RNF220: variants seen among roughly 807,000 people sequenced by gnomAD.
The protein encoded by RNF220 is E3 ubiquitin-protein ligase RNF220.
Under a neutral mutation model 67.1 loss-of-function variants are expected in RNF220, and 7 were observed. That is an observed-to-expected ratio of 0.10 (90% CI 0.06 to 0.20). The LOEUF (loss-of-function observed/expected upper bound fraction) is 0.20, where lower values mean the gene tolerates loss of function less well. RNF220 is among the 10% of genes least tolerant of loss of function. RNF220 has a pLI of 1.00. For missense variants in RNF220, 565 were observed against 740.3 expected (o/e 0.76, Z 2.75); for synonymous variants, 270 against 283.2 (o/e 0.95, Z 0.47).
At chr1:44,598,811 T>A (rs1359547992) in intron 2 of RNF220, among the ~76,000 whole-genome samples, 1 of 152,198 alleles carries the variant, frequency 6.6e-6, no homozygotes, top group Non-Finnish European at 1.5e-5. Context: ...CTTCTGTATT[T>A]CGAGAGCTTC....
intron 2 of RNF220, among the ~76,000 whole-genome samples, chr1:44,448,288 G>A (rs755711935): frequency 4.6e-5 from 7 of 152,152 alleles, no homozygotes; most frequent in East Asian, 1.9e-4. Flanking sequence ...GCAAGACTCC[G>A]TCTCAAAAAA....
At chr1:44,442,277 G>A (rs1651633368) in intron 2 of RNF220, among the ~76,000 whole-genome samples, 1 of 151,888 alleles carries the variant, frequency 6.6e-6, no homozygotes, top group Non-Finnish European at 1.5e-5. Flanking sequence ...TGAGTAGCTG[G>A]GACTTCAGGT....
At chr1:44,466,744 G>A (rs1022497588) in intron 2 of RNF220, among the ~76,000 whole-genome samples, 9 of 152,176 alleles carry the variant, frequency 5.9e-5, no homozygotes, top group Non-Finnish European at 1.3e-4. Context: ...CTTAGCAGTA[G>A]ATCTCAACAG....
intron 2 of RNF220, among the ~76,000 whole-genome samples, chr1:44,609,232 G>A (rs544682527): frequency 6.6e-6 from 1 of 152,202 alleles, no homozygotes; most frequent in South Asian, 2.1e-4. Flanking sequence ...CAGCCTCCAT[G>A]GCCATCTGTC....
chr1:44,540,358 A>G (rs979613114), intron 2 of RNF220, among the ~76,000 whole-genome samples: 4 of 152,158 alleles, frequency 2.6e-5, no homozygotes, highest in Non-Finnish European at 5.9e-5. Flanking sequence ...GGAAGAGAGA[A>G]AAAAAAATCT....
chr1:44,450,084 C>G (rs1435504807), intron 2 of RNF220, among the ~76,000 whole-genome samples: 2 of 152,128 alleles, frequency 1.3e-5, no homozygotes, highest in Non-Finnish European at 2.9e-5. Flanking sequence ...TGGCGCATGC[C>G]TGTAATCCCA....
chr1:44,592,145 G>C (rs535133132), intron 2 of RNF220, among the ~76,000 whole-genome samples: 116 of 152,304 alleles, frequency 7.6e-4, no homozygotes, highest in African/African-American at 2.6e-3. Context: ...AACAGACAGA[G>C]AGAGAGAGGG....
chr1:44,556,423 G>T lies in RNF220; in HGVS notation c.626-57742G>T, dbSNP rs1168815042. Among the ~76,000 whole-genome samples the T allele has an allele frequency of 1.3e-5, 2 of 150,670 alleles. 1 individual carries two copies. Among genetic ancestry groups the T allele is most frequent in the African/African-American group, 5.0e-5 (2 of 40,296 alleles). ...ACATGCTCCCTAGTCAATTAATGATGACCTGAATGAACAAATGACACCCCT... is the reference window on the plus strand; with the variant it reads ...ACATGCTCCCTAGTCAATTAATGATTACCTGAATGAACAAATGACACCCCT... On this transcript the variant is annotated intron_variant, in intron 2 of 14. Coordinates refer to ENST00000361799, the MANE Select transcript of RNF220 (RefSeq NM_018150.4).
At chr1:44,525,824 C>A (rs1477941217) in intron 2 of RNF220, among the ~76,000 whole-genome samples, 1 of 152,198 alleles carries the variant, frequency 6.6e-6, no homozygotes, top group Non-Finnish European at 1.5e-5. Flanking sequence ...GCCCCGCCCT[C>A]AGTCTGACCA....
chr1:44,607,781 G>T (rs952655465), intron 2 of RNF220, among the ~76,000 whole-genome samples: 20 of 150,958 alleles, frequency 1.3e-4, no homozygotes, highest in Non-Finnish European at 1.5e-5. Flanking sequence ...AAGCCACCAC[G>T]CCCGGCCAAA....
intron 2 of RNF220, among the ~76,000 whole-genome samples, chr1:44,442,514 CTTTT>C (rs10636964): frequency 7.8e-6 from 1 of 127,784 alleles, no homozygotes; most frequent in African/African-American, 3.0e-5. Context: ...CACTCACACT[CTTTT>C]TTTTTTTTTT....
chr1:44,548,711 C>T (rs59817429), intron 2 of RNF220, among the ~76,000 whole-genome samples: 11,484 of 152,072 alleles, frequency 0.076, 839 homozygotes, highest in East Asian at 0.35. Flanking sequence ...AGGCTGGTCT[C>T]GAACTCCTGG....
intron 2 of RNF220, among the ~76,000 whole-genome samples, chr1:44,418,399 G>C (rs1466780193): frequency 6.6e-6 from 1 of 152,158 alleles, no homozygotes; most frequent in African/African-American, 2.4e-5. Context: ...TTCCCTTCCT[G>C]CTTTTCAAAT....
intron 2 of RNF220, among the ~76,000 whole-genome samples, chr1:44,443,744 G>C (rs1022605632): frequency 6.6e-6 from 1 of 152,104 alleles, no homozygotes; most frequent in Non-Finnish European, 1.5e-5. Flanking sequence ...CAAGACATGT[G>C]TACAGTTAAA....
intron 2 of RNF220, among the ~76,000 whole-genome samples, chr1:44,506,973 G>A (rs1232337981): frequency 6.6e-6 from 1 of 152,186 alleles, no homozygotes; most frequent in East Asian, 1.9e-4. Flanking sequence ...AAAGGCCAAT[G>A]ACTATTTCTG....
At chr1:44,603,238 T>C (rs1667052073) in intron 2 of RNF220, among the ~76,000 whole-genome samples, 1 of 152,264 alleles carries the variant, frequency 6.6e-6, no homozygotes, top group South Asian at 2.1e-4. Flanking sequence ...TCAATTCAAT[T>C]TCAGCCGCCG....
chr1:44,615,891 T>A (rs945429527), intron 3 of RNF220, among the ~76,000 whole-genome samples: 1 of 152,200 alleles, frequency 6.6e-6, no homozygotes, highest in African/African-American at 2.4e-5. Flanking sequence ...CTTAGCTGGA[T>A]GGTTGTGGGT....
intron 2 of RNF220, among the ~76,000 whole-genome samples, chr1:44,611,198 G>A (rs530235451): frequency 6.6e-6 from 1 of 152,230 alleles, no homozygotes; most frequent in African/African-American, 2.4e-5. Context: ...GGCAGAGGCT[G>A]CAGAGTCCCT....
intron 2 of RNF220, among the ~76,000 whole-genome samples, chr1:44,501,552 G>A (rs1187552489): frequency 0.025 from 3,830 of 152,194 alleles, 142 homozygotes; most frequent in African/African-American, 0.088. Flanking sequence ...TATTGGGTGT[G>A]GGCAGAACTG....
Sources: allele counts gnomAD v4.1 joint callset (sites outside exome capture counted in the v4.1 genomes callset), GRCh38; gene constraint gnomAD v4.1.1; transcripts MANE v1.5; gene names NCBI Gene and HGNC (gene_info 2026-07-23, HGNC 2026-07-21).